The following EFR3A variants were observed in gnomAD, a reference collection of about 807,000 sequenced individuals.
The protein encoded by EFR3A is protein EFR3 homolog A.
In EFR3A, 76 loss-of-function variants were observed where a neutral mutation model predicts 104.4. The ratio of observed to expected loss-of-function variants is 0.73; its 90% CI spans 0.60 to 0.88. The LOEUF (loss-of-function observed/expected upper bound fraction) is 0.88, where lower values mean the gene tolerates loss of function less well. Among genes scored for constraint, EFR3A ranks in the 40% least tolerant of loss-of-function variants. The pLI is 0.00. For synonymous variants in EFR3A, 330 were observed against 330.0 expected (o/e 1.00, Z 0.00); for missense variants, 985 against 1,012.5 (o/e 0.97, Z 0.37).
At chr8:131,990,949 T>C (rs1821151535) in intron 18 of EFR3A, among the ~76,000 whole-genome samples, 1 of 152,138 alleles carries the variant, frequency 6.6e-6, no homozygotes, top group Non-Finnish European at 1.5e-5. Flanking sequence ...TTTTTTTGTG[T>C]GTGTTTTGTT....
At chr8:131,948,331 A>G (rs1005099807) in intron 4 of EFR3A, among the ~76,000 whole-genome samples, 1 of 152,104 alleles carries the variant, frequency 6.6e-6, no homozygotes, top group Non-Finnish European at 1.5e-5. Flanking sequence ...AATGAGGAGA[A>G]TGAGAATACC....
chr8:132,008,862 A>G (rs1014553455), intron 22 of EFR3A, among the ~76,000 whole-genome samples: 2 of 150,464 alleles, frequency 1.3e-5, no homozygotes, highest in African/African-American at 2.4e-5. Context: ...AAAAAAAAAA[A>G]AAAAAAAAAA....
At chr8:131,918,276 G>C (rs1278092646) in intron 1 of EFR3A, among the ~76,000 whole-genome samples, 1 of 152,102 alleles carries the variant, frequency 6.6e-6, no homozygotes, top group Non-Finnish European at 1.5e-5. Flanking sequence ...GACAGAGCAA[G>C]ACTCTGTCTC....
At chr8:131,966,153 AT>A (rs1819714430) in intron 8 of EFR3A, among the ~76,000 whole-genome samples, 1 of 152,168 alleles carries the variant, frequency 6.6e-6, no homozygotes, top group African/African-American at 2.4e-5. Flanking sequence ...TGGCACATGT[AT>A]ACATATGTCA....
intron 17 of EFR3A, 110 bp downstream of exon 17, chr8:131,986,371 A>C: frequency 2.0e-6 from 1 of 508,378 alleles, no homozygotes; most frequent in Non-Finnish European, 3.4e-6. Flanking sequence ...CTTTATACTA[A>C]TCATCATTTT....
chr8:131,986,571 G>A (rs776005801), intron 17 of EFR3A, among the ~76,000 whole-genome samples: 7 of 152,076 alleles, frequency 4.6e-5, no homozygotes, highest in Non-Finnish European at 8.8e-5. Flanking sequence ...ATCACCTGAG[G>A]TCAGGAGTTT....
chr8:131,970,649 T>C lies in EFR3A; in HGVS notation c.1159+6T>C. 1 of 1,608,230 alleles carries C rather than the reference T, an allele frequency of 6.2e-7. No individual in the cohort carries two copies. Among genetic ancestry groups the C allele is most frequent in the Non-Finnish European group, 8.5e-7 (1 of 1,177,056 alleles). On this transcript the variant is annotated splice_donor_region_variant and intron_variant, in intron 10 of 22. Transcript: ENST00000254624. ...TGCTATCATCCAAACAATAGGTGAG[T>C]ACATTTCACTTTTCAAAACTATCAT...
At chr8:131,963,039 A>G (rs1215001339) in intron 8 of EFR3A, among the ~76,000 whole-genome samples, 1 of 152,242 alleles carries the variant, frequency 6.6e-6, no homozygotes, top group Non-Finnish European at 1.5e-5. Context: ...AAGACACAAC[A>G]TACCAGAATC....
chr8:132,003,183 T>C, intron 21 of EFR3A, 53 bp from the exon 22 acceptor site: 1 of 1,361,696 alleles, frequency 7.3e-7, no homozygotes, highest in Non-Finnish European at 1.0e-6. Flanking sequence ...GATATTATTA[T>C]ATATAGATAC....
At chr8:131,928,023 A>G (rs1817386788) in intron 1 of EFR3A, among the ~76,000 whole-genome samples, 1 of 152,170 alleles carries the variant, frequency 6.6e-6, no homozygotes, top group African/African-American at 2.4e-5. Context: ...CTGACAATGG[A>G]AAATAAAATC....
intron 1 of EFR3A, among the ~76,000 whole-genome samples, chr8:131,933,737 A>G (rs1817734844): frequency 6.6e-6 from 1 of 152,060 alleles, no homozygotes; most frequent in Non-Finnish European, 1.5e-5. Context: ...TAAATTAAAA[A>G]TTGTAATAGT....
chr8:131,992,873 G>T (rs76909325), intron 18 of EFR3A, among the ~76,000 whole-genome samples: 3,331 of 152,184 alleles, frequency 0.022, 58 homozygotes, highest in African/African-American at 0.044. Flanking sequence ...AAGCAGTTTG[G>T]GGGGCATGGC....
intron 14 of EFR3A, among the ~76,000 whole-genome samples, chr8:131,981,787 C>G (rs1820628129): frequency 6.6e-6 from 1 of 152,028 alleles, no homozygotes; most frequent in Non-Finnish European, 1.5e-5. Context: ...TTAGGGGCAT[C>G]TTATATACGG....
chr8:131,931,542 G>C (rs554211546), intron 1 of EFR3A, among the ~76,000 whole-genome samples: 1 of 151,896 alleles, frequency 6.6e-6, no homozygotes, highest in African/African-American at 2.4e-5. Flanking sequence ...CTGTAATGTT[G>C]ATTTCTTACA....
At chr8:131,978,753 T>C in intron 12 of EFR3A, 94 bp from the exon 13 acceptor site, 1 of 995,714 alleles carries the variant, frequency 1.0e-6, no homozygotes, top group Non-Finnish European at 1.4e-6. Flanking sequence ...CCATATTTTC[T>C]TTCCTAAGTT....
At chr8:131,948,076 A>G (rs1398972868) in intron 4 of EFR3A, among the ~76,000 whole-genome samples, 1 of 152,100 alleles carries the variant, frequency 6.6e-6, no homozygotes, top group African/African-American at 2.4e-5. Flanking sequence ...AGAAGCTTTA[A>G]GGCATTCAAC....
At chr8:131,942,934 A>G (rs1818234508) in intron 2 of EFR3A, among the ~76,000 whole-genome samples, 1 of 152,152 alleles carries the variant, frequency 6.6e-6, no homozygotes, top group Non-Finnish European at 1.5e-5. Context: ...TCATAGTGAT[A>G]AAAAGCAGAG....
chr8:131,935,060 T>C (rs1817805780), intron 1 of EFR3A, among the ~76,000 whole-genome samples: 1 of 152,144 alleles, frequency 6.6e-6, no homozygotes, highest in African/African-American at 2.4e-5. Context: ...AATCTTCTAA[T>C]AGAAAGTCTG....
chr8:132,000,928 C>T (rs1307522124), intron 19 of EFR3A: 1 of 152,162 alleles, frequency 6.6e-6, no homozygotes, highest in Non-Finnish European at 1.5e-5. Context: ...CTTTTGCTTT[C>T]ATTAGTCTTG....
Sources: gnomAD v4.1 joint callset for allele counts (sites outside exome capture counted in the v4.1 genomes callset) on GRCh38, gnomAD v4.1.1 for gene constraint, MANE v1.5 for transcripts, NCBI Gene and HGNC (gene_info 2026-07-23, HGNC 2026-07-21) for gene names.